SPTAN1: variants seen among roughly 807,000 people sequenced by gnomAD.
The protein encoded by SPTAN1 is spectrin alpha chain, non-erythrocytic 1.
SPTAN1 carries 61 observed loss-of-function variants against 331.3 expected under a neutral mutation model. The observed-to-expected ratio is 0.18, with a 90% CI of 0.15 to 0.23. The LOEUF (loss-of-function observed/expected upper bound fraction) is 0.23, where lower values mean the gene tolerates loss of function less well. SPTAN1 is among the 10% of genes least tolerant of loss of function. The pLI, the probability that SPTAN1 is intolerant of heterozygous loss-of-function variation, is 1.00. For missense variants in SPTAN1, 2,043 were observed against 3,147.9 expected (o/e 0.65, Z 8.40); for synonymous variants, 1,153 against 1,173.9 (o/e 0.98, Z 0.36).
chr9:128,593,006 G>T lies in SPTAN1; in HGVS notation c.3179G>T (p.Gly1060Val). 6.2e-7 allele frequency: 1 copy of T among 1,610,022 alleles called. No homozygotes were observed. Among genetic ancestry groups the T allele is most frequent in the Non-Finnish European group, 8.5e-7 (1 of 1,178,032 alleles). The change falls in exon 23 of 57, where the codon GGC becomes GTC. Residue 1060 changes from glycine (G) to valine (V), a missense_variant. By Grantham distance (109) the Gly-to-Val change is moderately radical. Coordinates refer to ENST00000372739, the MANE Select transcript of SPTAN1 (RefSeq NM_001130438.3). ...AGGACACGCATAACTAAGGAGGCCG[G>T]CAGTGTATCTCTGCGTATGAAGCAG... ...DNQTRITKEA[G>V]SVSLRMKQVE...
chr9:128,563,269 A>G (rs1302426666), intron 1 of SPTAN1, among the ~76,000 whole-genome samples: 1 of 151,768 alleles, frequency 6.6e-6, no homozygotes, highest in Non-Finnish European at 1.5e-5. Flanking sequence ...TATAAAAATT[A>G]TCCAGGTGTG....
chr9:128,608,391 A>C, intron 34 of SPTAN1, 115 bp downstream of exon 34: 1 of 1,281,802 alleles, frequency 7.8e-7, no homozygotes, highest in Non-Finnish European at 1.1e-6. Context: ...TCTAAGAAAA[A>C]TATGTACATA....
At position 128,584,187 on chromosome 9, in the gene SPTAN1, C is replaced by A. The variant is rs1589217909; in HGVS notation, c.2194-95C>A. On this transcript the variant is annotated intron_variant, in intron 16 of 56. Coordinates refer to ENST00000372739, the MANE Select transcript of SPTAN1 (RefSeq NM_001130438.3). Reference sequence around the variant, plus strand: ...AAGGAAGGAGATAGCAGAAAGAATCCTCTCAGGAATGGAAAAAAGACCTTA... The same window carrying A: ...AAGGAAGGAGATAGCAGAAAGAATCATCTCAGGAATGGAAAAAAGACCTTA... The A allele has an allele frequency of 3.5e-5, 55 of 1,586,616 alleles. No homozygotes were observed. In the East Asian group the frequency reaches 1.2e-3, roughly 35 times the overall value.
Position 128,594,331 on chromosome 9 carries a change from G to A in SPTAN1, c.3372G>A (p.Glu1124=). 6.2e-7 allele frequency: 1 copy of A among 1,614,144 alleles called. No homozygotes were observed. The highest frequency in any genetic ancestry group is 8.5e-7 in the Non-Finnish European group (1 of 1,180,030). Residue 1124 remains glutamate (E), a synonymous_variant, in exon 24 of 57, where the codon GAG becomes GAA. Transcript: ENST00000372739. The part of the protein sequence containing the change: ...LTSEEVGADL[E]QVEVLQKKFD... ...GTGAGGAGGTCGGAGCAGACTTGGAGCAGGTTGAGGTGCTCCAGAAGAAGT... is the reference window on the plus strand; with the variant it reads ...GTGAGGAGGTCGGAGCAGACTTGGAACAGGTTGAGGTGCTCCAGAAGAAGT...
intron 1 of SPTAN1, among the ~76,000 whole-genome samples, chr9:128,560,902 G>A (rs1440403982): frequency 2.6e-5 from 4 of 151,152 alleles, no homozygotes; most frequent in East Asian, 2.0e-4. Flanking sequence ...TGTAATCCCA[G>A]CTACTGGGGA....
chr9:128,566,881 G>T lies in SPTAN1; in HGVS notation c.141G>T (p.Gln47His), dbSNP rs766141611. 6.2e-7 allele frequency: 1 copy of T among 1,614,220 alleles called. No individual in the cohort carries two copies. The highest frequency in any genetic ancestry group is 8.5e-7 in the Non-Finnish European group (1 of 1,180,038). ...RQKLEDSYRFQFFQRDAEELE... is the reference protein window; with the variant it reads ...RQKLEDSYRFHFFQRDAEELE... Reference sequence around the variant, plus strand: ...AGCTGGAAGATTCCTATCGATTCCAGTTCTTTCAAAGAGATGCTGAAGAGC... The same window carrying T: ...AGCTGGAAGATTCCTATCGATTCCATTTCTTTCAAAGAGATGCTGAAGAGC... Residue 47 changes from glutamine (Q) to histidine (H), a missense_variant, in exon 2 of 57, where the codon CAG becomes CAT. Gln to His is a conservative substitution (Grantham distance 24). Around this residue, in one of 12 missense-constraint regions of SPTAN1, gnomAD observed 1,038 missense variants for 1,531.5 expected, o/e 0.68. Coordinates refer to ENST00000372739, the MANE Select transcript of SPTAN1 (RefSeq NM_001130438.3).
rs150902677 is a variant in SPTAN1 at position 128,625,858 on chromosome 9, C to T, written c.6159C>T (p.His2053=). 3.3e-4 allele frequency: 533 copies of T among 1,614,192 alleles called. 7 individuals are homozygous for T. The highest frequency in any genetic ancestry group is 1.3e-3 in the Middle Eastern group (8 of 6,062). ...ALKDQLLAAK[H]VQSKAIEARH... is the part of the protein sequence containing the mutation. ...AAGATCAGCTTCTCGCCGCCAAACA[C>T]GTTCAGTCCAAGGCCATCGAGGCCC... The change falls in exon 48 of 57, where the codon CAC becomes CAT. Residue 2053 remains histidine, a synonymous_variant. Coordinates refer to ENST00000372739, the MANE Select transcript of SPTAN1 (RefSeq NM_001130438.3). The surrounding 1 kb of genome is among the most constrained non-coding windows in gnomAD (Gnocchi z 4.1).
intron 1 of SPTAN1, among the ~76,000 whole-genome samples, chr9:128,559,532 A>G (rs781561128): frequency 3.3e-5 from 5 of 152,306 alleles, no homozygotes; most frequent in Non-Finnish European, 7.4e-5. Context: ...GCTCGTGTGC[A>G]GTGTCGTTAT....
intron 9 of SPTAN1, among the ~76,000 whole-genome samples, chr9:128,578,842 A>G (rs1851618406): frequency 1.3e-5 from 2 of 152,048 alleles, no homozygotes; most frequent in African/African-American, 2.4e-5. Context: ...AAAGAAAAAA[A>G]AAAAAAAAAA....
At chr9:128,588,242 C>T (rs1391979883) in intron 20 of SPTAN1, among the ~76,000 whole-genome samples, 4 of 151,390 alleles carry the variant, frequency 2.6e-5, no homozygotes, top group South Asian at 2.1e-4. Flanking sequence ...ATGATCTGCC[C>T]GCCTTGGCCT....
intron 21 of SPTAN1, among the ~76,000 whole-genome samples, chr9:128,591,007 G>A (rs75053418): frequency 0.031 from 4,754 of 152,236 alleles, 247 homozygotes; most frequent in African/African-American, 0.11. Flanking sequence ...AGGTATGGCA[G>A]GTGAGGAAGG....
chr9:128,618,306 C>CTGTATGAGTCCAGAATCATACATG (rs1857426136), intron 43 of SPTAN1, among the ~76,000 whole-genome samples, 198 bp downstream of exon 43: 1 of 152,106 alleles, frequency 6.6e-6, no homozygotes, highest in South Asian at 2.1e-4. Context: ...TCTGGACCCA[C>CTGTATGAGTCCAGAATCATACATG]TGTATGAGTC....
chr9:128,568,079 A>G (rs1469806159), intron 2 of SPTAN1, among the ~76,000 whole-genome samples: 2 of 152,226 alleles, frequency 1.3e-5, no homozygotes, highest in African/African-American at 4.8e-5. Context: ...TTTTTATAAA[A>G]AGGGAAAGCC....
rs1462024326 is a variant in SPTAN1, at chr9:128,632,937, C to T, written c.7290C>T (p.Thr2430=). The change falls in exon 56 of 57, where the codon ACC becomes ACT. Residue 2430 remains threonine, a synonymous_variant. Transcript: ENST00000372739. ...GCTCAGAGGGAAAGCCTTACGTGAC[C>T]AAGGAGGAGCTCTACCAGGTATGGG... ...ALSSEGKPYV[T]KEELYQNLTR... is the part of the protein sequence containing the mutation. The T allele has an allele frequency of 6.2e-7, 1 of 1,612,858 alleles. No homozygotes were observed. Among genetic ancestry groups the T allele is most frequent in the Non-Finnish European group, 8.5e-7 (1 of 1,180,026 alleles).
At position 128,582,159 on chromosome 9, in the gene SPTAN1, T is replaced by G. The variant is rs566907855; in HGVS notation, c.1572+267T>G. Among the ~76,000 whole-genome samples, 7 of 152,344 alleles carry G rather than the reference T, an allele frequency of 4.6e-5. No individual in the cohort carries two copies. In the East Asian group the frequency reaches 1.3e-3, roughly 29 times the overall value. On this transcript the variant is annotated intron_variant, in intron 12 of 56. Transcript: ENST00000372739. Reference sequence around the variant, plus strand: ...GGTCAGGGTTAATATTAAGAGGTACTCTTCCCATTGAAAATACATCTTAGA... The same window carrying G: ...GGTCAGGGTTAATATTAAGAGGTACGCTTCCCATTGAAAATACATCTTAGA...
intron 35 of SPTAN1, 68 bp downstream of exon 35, chr9:128,609,045 A>C (rs1376504363): frequency 3.7e-6 from 6 of 1,613,682 alleles, no homozygotes; most frequent in African/African-American, 2.7e-5. Context: ...ACGAAGGCCC[A>C]GGCCTGTTCT....
intron 45 of SPTAN1, 51 bp from the exon 46 acceptor site, chr9:128,624,277 G>A: frequency 1.9e-6 from 3 of 1,611,592 alleles, no homozygotes; most frequent in Non-Finnish European, 2.5e-6. Context: ...GCATAGTCAG[G>A]TAACCACAGC....
chr9:128,609,484 A>G, intron 36 of SPTAN1, 167 bp from the exon 37 acceptor site: 1 of 977,010 alleles, frequency 1.0e-6, no homozygotes, highest in East Asian at 2.6e-5. Context: ...TGTCTCCATT[A>G]AAACTATTTC....
rs1457274384 is a variant in SPTAN1 at position 128,613,541 on chromosome 9, T to A, written c.5148+56T>A. 1.3e-5 allele frequency: 18 copies of A among 1,413,006 alleles called. No individual in the cohort carries two copies. In the Admixed American group the frequency reaches 3.0e-4, roughly 24 times the overall value. The allele number at this position is 1,413,006 out of a possible 1,614,324, so 87.5% of individuals were successfully genotyped here. A position where few individuals can be genotyped will look rare whatever the true frequency, so the allele number is the denominator to read the frequency against. On this transcript the variant is annotated intron_variant, in intron 40 of 56. Coordinates refer to ENST00000372739, the MANE Select transcript of SPTAN1 (RefSeq NM_001130438.3). Reference sequence around the variant, plus strand: ...TGCCTGGGACACAGCTCTGCCTGACTCCTAAGGAAAACAAGCGTGTTTGAG... The same window carrying A: ...TGCCTGGGACACAGCTCTGCCTGACACCTAAGGAAAACAAGCGTGTTTGAG...
Sources: gnomAD v4.1 joint callset for allele counts (sites outside exome capture counted in the v4.1 genomes callset) on GRCh38, gnomAD v4.1.1 for gene constraint, gnomAD v4.1.1 regional missense constraint, Gnocchi (gnomAD v3.1) non-coding constraint, MANE v1.5 for transcripts, NCBI Gene and HGNC (gene_info 2026-07-23, HGNC 2026-07-21) for gene names.